The following ZFAT variants were observed in gnomAD, a reference collection of about 807,000 sequenced individuals.
The protein encoded by ZFAT is zinc finger and AT-hook domain containing, also known as zinc finger protein ZFAT.
Under a neutral mutation model 117.7 loss-of-function variants are expected in ZFAT, and 64 were observed. The observed-to-expected ratio is 0.54, with a 90% CI of 0.44 to 0.67. The LOEUF (loss-of-function observed/expected upper bound fraction) is 0.67, where lower values mean the gene tolerates loss of function less well. Among genes scored for constraint, ZFAT ranks in the 30% least tolerant of loss-of-function variants. The pLI is 0.00. For missense variants in ZFAT, 1,433 were observed against 1,584.5 expected, an observed-to-expected ratio of 0.90 and a Z score of 1.62; for synonymous variants, 679 against 615.0, an observed-to-expected ratio of 1.10 and a Z score of -1.54.
At chr8:134,561,044 G>A (rs1481565032) in intron 11 of ZFAT, among the ~76,000 whole-genome samples, 3 of 152,226 alleles carry the variant, frequency 2.0e-5, no homozygotes, top group Non-Finnish European at 4.4e-5. Flanking sequence ...ATTCTCAGAT[G>A]TTTGATGGGC....
the ZFAT span, among the ~76,000 whole-genome samples, chr8:134,783,233 G>A: frequency 1.2e-4 from 18 of 152,062 alleles, no homozygotes; most frequent in South Asian, 2.1e-4. Context: ...AAAGTATTCC[G>A]TAAGTCAAGG....
intron 15 of ZFAT, among the ~76,000 whole-genome samples, chr8:134,481,380 C>A (rs1306558916): frequency 6.6e-6 from 1 of 152,174 alleles, no homozygotes; most frequent in Non-Finnish European, 1.5e-5. Context: ...AGACCACACA[C>A]AATACAGGGA....
At chr8:134,577,798 A>C (rs992494544) in intron 10 of ZFAT, among the ~76,000 whole-genome samples, 1 of 152,214 alleles carries the variant, frequency 6.6e-6, no homozygotes, top group Non-Finnish European at 1.5e-5. Flanking sequence ...AAAACATGAA[A>C]GAGAGTATGA....
intron 11 of ZFAT, 22 bp downstream of exon 11, chr8:134,565,311 T>C: frequency 6.2e-7 from 1 of 1,612,140 alleles, no homozygotes; most frequent in Non-Finnish European, 8.5e-7. Flanking sequence ...AACATCTGCC[T>C]TCTTCTCCAG....
At position 134,657,617 on chromosome 8, in the gene ZFAT, A is replaced by G. The variant is rs368160184; in HGVS notation, c.140T>C (p.Ile47Thr). ...EEGVNVDEII[I>T]PLRPLSTPEP... is the part of the protein sequence containing the mutation. ...AGGTGTACTCAGAGGCCTAAGGGGA[A>G]TAATAATCTCATCAACATTAACCCC... is the stretch of plus-strand genomic sequence containing the variant. The change falls in exon 2 of 16, where the codon ATT becomes ACT. Residue 47 changes from isoleucine to threonine, a missense_variant. Ile to Thr is a moderately conservative substitution (Grantham distance 89, BLOSUM62 -1). Coordinates refer to ENST00000377838, the MANE Select transcript of ZFAT (RefSeq NM_020863.4). The G allele has an allele frequency of 1.9e-6, 3 of 1,614,018 alleles. No homozygotes were observed. Among genetic ancestry groups the G allele is most frequent in the Non-Finnish European group, 2.5e-6 (3 of 1,180,034 alleles).
intron 2 of ZFAT, among the ~76,000 whole-genome samples, chr8:134,641,383 G>C (rs16905208): frequency 0.1 from 15,702 of 152,110 alleles, 1,116 homozygotes; most frequent in East Asian, 0.31. Flanking sequence ...CTCCCAAGCT[G>C]TGACCACCTC....
intron 1 of ZFAT, among the ~76,000 whole-genome samples, chr8:134,676,923 A>C (rs1362632739): frequency 6.6e-6 from 1 of 152,216 alleles, no homozygotes; most frequent in Non-Finnish European, 1.5e-5. Flanking sequence ...AACATACCAG[A>C]ATCTCTGGGA....
At chr8:134,771,143 C>T in the ZFAT span, among the ~76,000 whole-genome samples, 1 of 152,220 alleles carries the variant, frequency 6.6e-6, no homozygotes, top group African/African-American at 2.4e-5. Context: ...TTTTGAAAAT[C>T]TCTAATAAAA....
intron 13 of ZFAT, among the ~76,000 whole-genome samples, chr8:134,518,684 T>C (rs1011869262): frequency 6.6e-6 from 1 of 151,934 alleles, no homozygotes; most frequent in African/African-American, 2.4e-5. Context: ...AAAAAATATT[T>C]TTATCATTTA....
At chr8:134,673,894 C>T (rs1245495486) in intron 1 of ZFAT, among the ~76,000 whole-genome samples, 1 of 152,192 alleles carries the variant, frequency 6.6e-6, no homozygotes, top group Admixed American at 6.5e-5. Context: ...GGGCAGATCA[C>T]CTGAGGTCAA....
intron 3 of ZFAT, among the ~76,000 whole-genome samples, chr8:134,618,427 C>T (rs988498652): frequency 1.1e-4 from 17 of 152,118 alleles, no homozygotes; most frequent in South Asian, 2.1e-4. Context: ...CCCTGGTTTC[C>T]AGTCTCTGTG....
chr8:134,559,045 GT>G (rs1823862899), intron 11 of ZFAT, among the ~76,000 whole-genome samples: 1 of 152,206 alleles, frequency 6.6e-6, no homozygotes, highest in Admixed American at 6.5e-5. Flanking sequence ...TAAGAAACAT[GT>G]TTACATTCTG....
chr8:134,512,241 G>T (rs906838005), intron 14 of ZFAT, among the ~76,000 whole-genome samples: 9 of 152,190 alleles, frequency 5.9e-5, no homozygotes, highest in African/African-American at 2.2e-4. Context: ...GAGATGTGAG[G>T]GACTCTTGCG....
chr8:134,637,299 AC>A (rs1830275656), intron 3 of ZFAT, among the ~76,000 whole-genome samples, 161 bp downstream of exon 3: 1 of 152,278 alleles, frequency 6.6e-6, no homozygotes, highest in African/African-American at 2.4e-5. Context: ...AAGACTACTT[AC>A]GGTAATAGTC....
the ZFAT span, among the ~76,000 whole-genome samples, chr8:134,779,822 T>C: frequency 6.3e-4 from 96 of 152,330 alleles, no homozygotes; most frequent in African/African-American, 2.1e-3. Flanking sequence ...AATCTTTATA[T>C]CTTCCAAGTA....
In ZFAT at chr8:134,666,366, T is replaced by A. The variant is rs547901626; in HGVS notation, c.20-8629A>T. 1.4e-4 allele frequency among the ~76,000 whole-genome samples: 21 copies of A among 152,350 alleles called. 1 individual carries two copies. The South Asian group carries it at 4.4e-3, about 32-fold the overall frequency. ...GAAGATTTAAATGAGATCCAGACTC[T>A]CATAACATAATACTGAAAATGCCCA... is the stretch of plus-strand genomic sequence containing the variant. On this transcript the variant is annotated intron_variant, in intron 1 of 15. Transcript: ENST00000377838.
chr8:134,614,001 C>T (rs1043825662), intron 3 of ZFAT, among the ~76,000 whole-genome samples: 2 of 152,190 alleles, frequency 1.3e-5, no homozygotes, highest in Non-Finnish European at 1.5e-5. Context: ...TTGTTAAACT[C>T]GTTTTTAACC....
At chr8:134,519,087 G>T (rs1586630508) in intron 13 of ZFAT, among the ~76,000 whole-genome samples, 1 of 152,064 alleles carries the variant, frequency 6.6e-6, no homozygotes, top group South Asian at 2.1e-4. Context: ...ATTCCCAAGG[G>T]TTTCCTAGTT....
chr8:134,649,553 T>C (rs1209300234), intron 2 of ZFAT, among the ~76,000 whole-genome samples: 1 of 152,204 alleles, frequency 6.6e-6, no homozygotes. Flanking sequence ...GTTGTATTTA[T>C]AAACTAGCAA....
Sources: allele counts gnomAD v4.1 joint callset (sites outside exome capture counted in the v4.1 genomes callset), GRCh38; gene constraint gnomAD v4.1.1; transcripts MANE v1.5; gene names NCBI Gene and HGNC (gene_info 2026-07-23, HGNC 2026-07-21).